Variants in DBF4B observed in about 807,000 individuals in gnomAD.
DBF4B encodes protein DBF4 homolog B.
In DBF4B, 49 loss-of-function variants were observed where a neutral mutation model predicts 53.4. The observed-to-expected ratio is 0.92, with a 90% confidence interval of 0.73 to 1.16. The LOEUF is 1.16. Ranked by LOEUF, DBF4B falls within the 50% of genes most tolerant of loss-of-function variation. DBF4B has a pLI of 0.00. For missense variants in DBF4B, 692 were observed against 775.0 expected (o/e 0.89, Z 1.27); for synonymous variants, 257 against 288.7 (o/e 0.89, Z 1.11).
Position 44,731,122 on chromosome 17 carries a change from C to T in DBF4B, c.468+107C>T, listed in dbSNP as rs1350373531. 7.2e-6 allele frequency: 9 copies of T among 1,244,260 alleles called. No homozygotes were observed. The East Asian group carries it at 1.2e-4, about 17-fold the overall frequency. The allele number at this position is 1,244,260 out of a possible 1,614,324, so 77.1% of individuals were successfully genotyped here. On this transcript the variant is annotated intron_variant, in intron 5 of 13. Coordinates refer to ENST00000315005, the MANE Select transcript of DBF4B (RefSeq NM_145663.3). ...GCACCCACACAAAATGCACACTCTG[C>T]GATATGTAGTATTGTCATTATTTCC...
chr17:44,727,111 A>AC (rs925982193), intron 3 of DBF4B, among the ~76,000 whole-genome samples: 1 of 149,608 alleles, frequency 6.7e-6, no homozygotes, highest in African/African-American at 2.5e-5. Context: ...AAAAAAAAAA[A>AC]AAAAAAAAAA....
At position 44,709,196 on chromosome 17, in the gene DBF4B, C is replaced by T; in HGVS notation, c.20-108C>T. On this transcript the variant is annotated intron_variant, in intron 1 of 13. Transcript: ENST00000315005. ...GGAATGGAGTTGAGTCTTGCTGTTC[C>T]CAGGAGTCGCGTTTCTGTGCGCGTT... The T allele has an allele frequency of 2.1e-6, 3 of 1,415,512 alleles. No individual in the cohort carries two copies. In the South Asian group the frequency reaches 3.5e-5, roughly 17 times the overall value. 87.7% of individuals were successfully genotyped at this position (1,415,512 alleles called of 1,614,324 possible).
At chr17:44,718,644 C>T (rs1973552615) in intron 2 of DBF4B, among the ~76,000 whole-genome samples, 1 of 151,952 alleles carries the variant, frequency 6.6e-6, no homozygotes, top group Non-Finnish European at 1.5e-5. Context: ...TCAGGAGGCA[C>T]ATGATGAAGA....
chr17:44,731,285 G>A (rs1455216383), intron 5 of DBF4B: 4 of 410,900 alleles, frequency 9.7e-6, no homozygotes, highest in East Asian at 1.0e-4. Context: ...GCGGGACAGG[G>A]TTGCTGGGTA....
chr17:44,741,496 C>A, intron 10 of DBF4B, 44 bp downstream of exon 10: 1 of 1,343,036 alleles, frequency 7.4e-7, no homozygotes, highest in Non-Finnish European at 1.0e-6. Context: ...GGTTACAGGC[C>A]AAAGTCCTCC....
rs777112054 is a variant in DBF4B at position 44,732,270 on chromosome 17, C to G, written c.556+5C>G. 3.1e-6 allele frequency: 5 copies of G among 1,613,930 alleles called. No individual in the cohort carries two copies. Among genetic ancestry groups the G allele is most frequent in the Non-Finnish European group, 4.2e-6 (5 of 1,179,936 alleles). ...TGAGGATTCTGCACGTGGATGGTAC[C>G]CTTTCTGTGCTGGGCTCCTGTGGAG... On this transcript the variant is annotated splice_donor_5th_base_variant and intron_variant, in intron 6 of 13. Transcript: ENST00000315005.
chr17:44,750,740 TC>T lies in DBF4B; in HGVS notation c.1338del (p.Cys447AlafsTer70). ...GCTCCAGGGAGCAGGGCTGCCTCTG[TC>T]CCTGCCCAGCCTCCTTTACCCAGTC... ...KGSREQGCLC[P>X]CPASFTQSHL... On this transcript the variant is annotated frameshift_variant, in exon 14 of 14. Coordinates refer to ENST00000315005, the MANE Select transcript of DBF4B (RefSeq NM_145663.3). LOFTEE classifies it low-confidence loss of function (END_TRUNC). The T allele has an allele frequency of 6.2e-7, 1 of 1,614,166 alleles. No individual in the cohort carries two copies. The highest frequency in any genetic ancestry group is 8.5e-7 in the Non-Finnish European group (1 of 1,180,028).
intron 2 of DBF4B, among the ~76,000 whole-genome samples, chr17:44,713,516 C>T (rs186095906): frequency 2.6e-5 from 4 of 151,804 alleles, no homozygotes; most frequent in East Asian, 2.0e-4. Flanking sequence ...AGTAGGATGT[C>T]GTGCACGCTT....
Position 44,711,147 on chromosome 17 carries a change from G to A in DBF4B, c.82+1781G>A, listed in dbSNP as rs563270741. Among the ~76,000 whole-genome samples, 8 of 151,406 alleles carry A rather than the reference G, an allele frequency of 5.3e-5. No homozygotes were observed. In the South Asian group the frequency reaches 1.3e-3, roughly 24 times the overall value. ...ATTACAGGAGCACGCCACCATGCCC[G>A]GCTAATTTTTGTATTTTCACTAGAG... On this transcript the variant is annotated intron_variant, in intron 2 of 13. Transcript: ENST00000315005.
chr17:44,731,080 T>C, intron 5 of DBF4B, 65 bp downstream of exon 5: 2 of 1,592,742 alleles, frequency 1.3e-6, no homozygotes, highest in Non-Finnish European at 1.7e-6. Context: ...TCACTCTTCT[T>C]CCCAGGTTCT....
At chr17:44,744,430 C>T (rs1388306534) in intron 10 of DBF4B, among the ~76,000 whole-genome samples, 1 of 151,400 alleles carries the variant, frequency 6.6e-6, no homozygotes, top group Non-Finnish European at 1.5e-5. Flanking sequence ...AAAAAAATTG[C>T]ATTCCCTTTT....
At position 44,750,855 on chromosome 17, in the gene DBF4B, GC is replaced by G. The variant is rs778858185; in HGVS notation, c.1454del (p.Pro485ArgfsTer32). The G allele has an allele frequency of 2.1e-5, 34 of 1,614,036 alleles. No homozygotes were observed. The Admixed American group carries it at 2.8e-4, about 13-fold the overall frequency. On this transcript the variant is annotated frameshift_variant, in exon 14 of 14. Coordinates refer to ENST00000315005, the MANE Select transcript of DBF4B (RefSeq NM_145663.3). LOFTEE classifies it low-confidence loss of function (END_TRUNC). ...PLHPSQENSF[A>X]PADIPVKGPL... Reference sequence around the variant, plus strand: ...CCATCCCTCCCAAGAAAACTCCTTTGCCCCGGCGGACATTCCTGTTAAGGGC... The same window carrying G: ...CCATCCCTCCCAAGAAAACTCCTTTGCCCGGCGGACATTCCTGTTAAGGGC...
intron 2 of DBF4B, among the ~76,000 whole-genome samples, chr17:44,718,114 C>T (rs914789606): frequency 6.6e-6 from 1 of 151,898 alleles, no homozygotes; most frequent in Non-Finnish European, 1.5e-5. Context: ...CAATTATCCC[C>T]CAATGTTCTT....
At chr17:44,722,421 G>C (rs1316227003) in intron 2 of DBF4B, among the ~76,000 whole-genome samples, 1 of 152,184 alleles carries the variant, frequency 6.6e-6, no homozygotes, top group Non-Finnish European at 1.5e-5. Context: ...CGGCAACACT[G>C]CCATGATGTT....
intron 10 of DBF4B, among the ~76,000 whole-genome samples, chr17:44,745,685 G>A (rs773126741): frequency 3.3e-5 from 5 of 152,158 alleles, no homozygotes; most frequent in Non-Finnish European, 7.3e-5. Flanking sequence ...TATGAGATTT[G>A]GGTGGGGACA....
At chr17:44,715,314 T>G (rs1301402500) in intron 2 of DBF4B, among the ~76,000 whole-genome samples, 1 of 152,038 alleles carries the variant, frequency 6.6e-6, no homozygotes, top group East Asian at 1.9e-4. Flanking sequence ...GATTCTCCAG[T>G]CTCAGCCTCC....
Position 44,708,831 on chromosome 17 carries a change from C to A in DBF4B, c.11C>A (p.Pro4Gln). The A allele has an allele frequency of 1.9e-6, 3 of 1,551,040 alleles. No individual in the cohort carries two copies. The highest frequency in any genetic ancestry group is 2.6e-6 in the Non-Finnish European group (3 of 1,146,782). Reference protein sequence around the residue: MSEPGKGDDCLELE... With the variant: MSEQGKGDDCLELE... ...AGGAGCCGGCATTTGATGAGCGAACCGGGAAAGGGTACGGATGCCGGGAAG... is the reference window on the plus strand; with the variant it reads ...AGGAGCCGGCATTTGATGAGCGAACAGGGAAAGGGTACGGATGCCGGGAAG... Residue 4 changes from proline (P) to glutamine (Q), a missense_variant, in exon 1 of 14, where the codon CCG becomes CAG. Physicochemically the swap from Pro to Gln is moderately conservative, Grantham distance 76. This residue lies in a region of DBF4B where 66 missense variants were observed against 51.3 expected (regional missense o/e 1.29). Coordinates refer to ENST00000315005, the MANE Select transcript of DBF4B (RefSeq NM_145663.3).
At chr17:44,715,516 C>T (rs538278576) in intron 2 of DBF4B, among the ~76,000 whole-genome samples, 1 of 152,024 alleles carries the variant, frequency 6.6e-6, no homozygotes, top group South Asian at 2.1e-4. Context: ...GTTTTTCTCT[C>T]CCATTTTGCA....
rs377668647 is a variant in DBF4B at position 44,726,292 on chromosome 17, TTTTATTTATTTATTTA to T, written c.225+3298_225+3313del. ...GTGTGAGCCATCGCACCCGGCCCTT[TTTTATTTATTTATTTA>T]TTTATTTATTTATTTATTTATTTAT... On this transcript the variant is annotated intron_variant, in intron 3 of 13. Coordinates refer to ENST00000315005, the MANE Select transcript of DBF4B (RefSeq NM_145663.3). Among the ~76,000 whole-genome samples the T allele has an allele frequency of 6.1e-5, 8 of 132,090 alleles. No individual in the cohort carries two copies. In the South Asian group the frequency reaches 1.5e-3, roughly 25 times the overall value. 86.7% of individuals were successfully genotyped at this position (132,090 alleles called of 152,430 possible). A position where few individuals can be genotyped will look rare whatever the true frequency, so the allele number is the denominator to read the frequency against.
Sources: allele counts gnomAD v4.1 joint callset (sites outside exome capture counted in the v4.1 genomes callset), GRCh38; gene constraint gnomAD v4.1.1; regional missense constraint gnomAD v4.1.1; transcripts MANE v1.5; gene names NCBI Gene and HGNC (gene_info 2026-07-23, HGNC 2026-07-21).